The following ARHGAP10 variants were observed in gnomAD, a reference collection of about 807,000 sequenced individuals.
ARHGAP10 encodes the protein rho GTPase-activating protein 10.
ARHGAP10 carries 87 observed loss-of-function variants against 108.6 expected under a neutral mutation model. The observed-to-expected ratio is 0.80, with a 90% CI of 0.67 to 0.96. The LOEUF is 0.96. Among genes scored for constraint, ARHGAP10 ranks in the 40% least tolerant of loss-of-function variants. The pLI is 0.00. For synonymous variants in ARHGAP10, 347 were observed against 341.1 expected (o/e 1.02, Z -0.19); for missense variants, 939 against 954.5 (o/e 0.98, Z 0.21).
At chr4:147,906,835 C>A (rs1736517175) in intron 11 of ARHGAP10, 116 bp downstream of exon 11, 2 of 1,219,022 alleles carry the variant, frequency 1.6e-6, no homozygotes, top group Non-Finnish European at 2.4e-6. Flanking sequence ...ACAGGTATTC[C>A]AAAAATCATC....
At chr4:147,881,815 A>G (rs770733120) in intron 9 of ARHGAP10, 23 bp from the exon 10 acceptor site, 30 of 1,610,488 alleles carry the variant, frequency 1.9e-5, no homozygotes, top group Non-Finnish European at 2.5e-5. Flanking sequence ...GGTTTTGAGA[A>G]TGTTCAAAAT....
intron 18 of ARHGAP10, among the ~76,000 whole-genome samples, chr4:147,971,114 AAG>A (rs1229811545): frequency 6.6e-6 from 1 of 150,920 alleles, no homozygotes; most frequent in Non-Finnish European, 1.5e-5. Flanking sequence ...AAAAAAAAAA[AAG>A]AGTTCCTGGG....
At chr4:147,788,337 C>T (rs1380458658) in intron 1 of ARHGAP10, among the ~76,000 whole-genome samples, 1 of 152,080 alleles carries the variant, frequency 6.6e-6, no homozygotes, top group African/African-American at 2.4e-5. Flanking sequence ...ATCTCAGCTA[C>T]TCAGGAGGCT....
chr4:147,925,728 G>A (rs938266991), intron 13 of ARHGAP10, among the ~76,000 whole-genome samples: 4 of 152,092 alleles, frequency 2.6e-5, no homozygotes, highest in Non-Finnish European at 4.4e-5. Flanking sequence ...ATAGTTCCAC[G>A]GATACTAGTA....
At chr4:147,906,400 G>A (rs571249061) in intron 10 of ARHGAP10, among the ~76,000 whole-genome samples, 3 of 152,290 alleles carry the variant, frequency 2.0e-5, no homozygotes, top group Non-Finnish European at 2.9e-5. Flanking sequence ...CAGAGTTTCA[G>A]TTTTGCAAGA....
At chr4:147,998,187 G>T (rs1271489981) in intron 18 of ARHGAP10, among the ~76,000 whole-genome samples, 2 of 152,164 alleles carry the variant, frequency 1.3e-5, no homozygotes, top group Non-Finnish European at 2.9e-5. Flanking sequence ...TTTCAGGGGG[G>T]ATTGGGAAGG....
chr4:147,818,952 G>A (rs2126781786), intron 1 of ARHGAP10, among the ~76,000 whole-genome samples: 1 of 152,224 alleles, frequency 6.6e-6, no homozygotes, highest in South Asian at 2.1e-4. Flanking sequence ...CACCAGAAAG[G>A]GGAAAATGAG....
intron 4 of ARHGAP10, among the ~76,000 whole-genome samples, chr4:147,854,064 C>T (rs201914883): frequency 2.0e-5 from 3 of 152,096 alleles, no homozygotes; most frequent in East Asian, 1.9e-4. Flanking sequence ...TTAGGTTCTT[C>T]TCTTCTACCA....
intron 18 of ARHGAP10, among the ~76,000 whole-genome samples, chr4:148,003,488 A>T (rs755231726): frequency 2.0e-5 from 3 of 152,116 alleles, no homozygotes; most frequent in African/African-American, 7.2e-5. Flanking sequence ...TGTCTCGTTG[A>T]TCTGTCTAAT....
rs889597054 is a variant in ARHGAP10 at position 147,888,245 on chromosome 4, A to G, written c.1034+6313A>G. Among the ~76,000 whole-genome samples, 8 of 152,254 alleles carry G rather than the reference A, an allele frequency of 5.3e-5. No individual in the cohort carries two copies. In the East Asian group the frequency reaches 1.3e-3, roughly 26 times the overall value. ...GTCCAGTCTTACGACTTTATGTGCC[A>G]TCCGTATGTTGATAACTTGCAAATT... On this transcript the variant is annotated intron_variant, in intron 10 of 22. Transcript: ENST00000336498.
intron 10 of ARHGAP10, among the ~76,000 whole-genome samples, chr4:147,883,080 G>A (rs942815124): frequency 3.3e-5 from 5 of 152,164 alleles, no homozygotes. Context: ...AGAGAGGAAG[G>A]ATTAGTGGTT....
At chr4:148,015,089 C>A (rs948818257) in intron 18 of ARHGAP10, among the ~76,000 whole-genome samples, 9 of 152,112 alleles carry the variant, frequency 5.9e-5, no homozygotes, top group South Asian at 2.1e-4. Context: ...TCTCCTGTGA[C>A]ATGGTAGAGA....
At chr4:147,896,643 T>C (rs937924100) in intron 10 of ARHGAP10, among the ~76,000 whole-genome samples, 4 of 152,124 alleles carry the variant, frequency 2.6e-5, no homozygotes, top group African/African-American at 9.7e-5. Flanking sequence ...ATTTCATTTG[T>C]TTCTGAATTT....
Position 148,071,016 on chromosome 4 carries a change from G to C in ARHGAP10, c.2273-977G>C, listed in dbSNP as rs577805378. 7.2e-5 allele frequency among the ~76,000 whole-genome samples: 11 copies of C among 152,342 alleles called. No homozygotes were observed. The South Asian group carries it at 2.3e-3, about 32-fold the overall frequency. ...AACAGTCCATTGTGCCAGGCACCAT[G>C]CCCAGATGTATAAGGCTCAGGCTGC... is the stretch of plus-strand genomic sequence containing the variant. On this transcript the variant is annotated intron_variant, in intron 22 of 22. Transcript: ENST00000336498.
At chr4:147,973,287 C>CTGT (rs1369934987) in intron 18 of ARHGAP10, among the ~76,000 whole-genome samples, 2 of 152,162 alleles carry the variant, frequency 1.3e-5, no homozygotes. Context: ...GTCTAGTGAC[C>CTGT]TGTTAGCTTA....
Position 147,888,856 on chromosome 4 carries a change from G to A in ARHGAP10, c.1034+6924G>A, listed in dbSNP as rs1046904772. 9.9e-5 allele frequency among the ~76,000 whole-genome samples: 15 copies of A among 152,244 alleles called. 1 individual carries two copies. The highest frequency in any genetic ancestry group is 3.4e-3 in the Middle Eastern group (1 of 294). On this transcript the variant is annotated intron_variant, in intron 10 of 22. Transcript: ENST00000336498. ...TTGAGATCTGTGATTTTGGGGCTTC[G>A]AAAGCATTATTTAGTGAAAAGTGTG...
chr4:147,803,152 G>A (rs913243265), intron 1 of ARHGAP10, among the ~76,000 whole-genome samples: 1 of 152,086 alleles, frequency 6.6e-6, no homozygotes, highest in Non-Finnish European at 1.5e-5. Context: ...GGGATTACAG[G>A]TGTGCACCAC....
chr4:147,888,473 G>T (rs1735660763), intron 10 of ARHGAP10, among the ~76,000 whole-genome samples: 2 of 152,076 alleles, frequency 1.3e-5, no homozygotes, highest in African/African-American at 4.8e-5. Flanking sequence ...ATAGGTAAAT[G>T]AATTCATTCC....
At chr4:147,756,850 T>C (rs1045373567) in intron 1 of ARHGAP10, among the ~76,000 whole-genome samples, 2 of 152,052 alleles carry the variant, frequency 1.3e-5, no homozygotes, top group Non-Finnish European at 2.9e-5. Context: ...TACAGTCTGG[T>C]TATGGGAATA....
Sources: allele counts gnomAD v4.1 joint callset (sites outside exome capture counted in the v4.1 genomes callset), GRCh38; gene constraint gnomAD v4.1.1; transcripts MANE v1.5; gene names NCBI Gene and HGNC (gene_info 2026-07-23, HGNC 2026-07-21).